Variants in WDR25 observed in about 807,000 individuals in gnomAD.
WDR25 encodes the protein WD repeat domain 25.
A neutral mutation model predicts 47.7 loss-of-function variants in WDR25; 35 were observed. The ratio of observed to expected loss-of-function variants is 0.73; its 90% CI spans 0.56 to 0.97. The LOEUF is 0.97. WDR25 is among the 50% of genes least tolerant of loss of function. The probability of loss-of-function intolerance (pLI) is 0.00; values close to 1 mark genes in which losing one functional copy is unlikely to be tolerated. For missense variants in WDR25, 634 were observed against 704.7 expected, an observed-to-expected ratio of 0.90 and a Z score of 1.14; for synonymous variants, 248 against 278.9, an observed-to-expected ratio of 0.89 and a Z score of 1.10.
At chr14:100,480,549 A>T (rs1900165628) in intron 3 of WDR25, among the ~76,000 whole-genome samples, 3 of 152,348 alleles carry the variant, frequency 2.0e-5, no homozygotes, top group African/African-American at 7.2e-5. Context: ...ACTACTTTCT[A>T]AAAAATTTCT....
At chr14:100,414,553 T>C (rs1450785273) in intron 2 of WDR25, among the ~76,000 whole-genome samples, 1 of 151,942 alleles carries the variant, frequency 6.6e-6, no homozygotes, top group Non-Finnish European at 1.5e-5. Flanking sequence ...CCTCAGGTAA[T>C]CTGCCCGCCT....
chr14:100,454,587 C>T (rs537131751), intron 2 of WDR25: 13 of 506,508 alleles, frequency 2.6e-5, no homozygotes, highest in South Asian at 1.4e-4. Flanking sequence ...ACTGGACAGA[C>T]GTCTACCCTC....
At chr14:100,465,910 A>T (rs1899613673) in intron 2 of WDR25, among the ~76,000 whole-genome samples, 3 of 152,246 alleles carry the variant, frequency 2.0e-5, no homozygotes, top group African/African-American at 7.2e-5. Flanking sequence ...TAATGGGTAC[A>T]AGGTGGTGTT....
intron 1 of WDR25, among the ~76,000 whole-genome samples, chr14:100,379,605 C>T (rs1482951100): frequency 2.0e-5 from 3 of 151,986 alleles, no homozygotes; most frequent in African/African-American, 7.2e-5. Flanking sequence ...TCAGACTAGT[C>T]TTGAACTCCT....
chr14:100,483,844 T>C, intron 3 of WDR25, 150 bp from the exon 4 acceptor site: 1 of 925,762 alleles, frequency 1.1e-6, no homozygotes, highest in African/African-American at 1.7e-5. Context: ...GCCACCGCTG[T>C]CATATTTCCA....
At chr14:100,411,036 G>T (rs2140190485) in intron 2 of WDR25, among the ~76,000 whole-genome samples, 1 of 152,218 alleles carries the variant, frequency 6.6e-6, no homozygotes, top group South Asian at 2.1e-4. Flanking sequence ...GCCCGCCTCA[G>T]CCTCCCAAAG....
chr14:100,496,581 T>A (rs8004423), intron 4 of WDR25, among the ~76,000 whole-genome samples: 5,492 of 152,238 alleles, frequency 0.036, 331 homozygotes, highest in African/African-American at 0.12. Context: ...TGATTTGAGA[T>A]CTTTTTTAAT....
intron 4 of WDR25, among the ~76,000 whole-genome samples, chr14:100,494,626 G>A (rs898762299): frequency 2.0e-5 from 3 of 152,234 alleles, no homozygotes; most frequent in Non-Finnish European, 2.9e-5. Context: ...CTTCTGGACT[G>A]TGAGCTCACA....
intron 4 of WDR25, among the ~76,000 whole-genome samples, chr14:100,520,070 G>GTGTACATA (rs1407913951): frequency 5.8e-5 from 7 of 121,644 alleles, no homozygotes. Context: ...ATGTGTGTGT[G>GTGTACATA]TGTGTGTGCA....
At chr14:100,493,516 G>A (rs1900632794) in intron 4 of WDR25, among the ~76,000 whole-genome samples, 1 of 151,964 alleles carries the variant, frequency 6.6e-6, no homozygotes, top group South Asian at 2.1e-4. Flanking sequence ...AAAAAATTTA[G>A]CAGAAGGGCT....
chr14:100,453,194 T>C (rs886910847), intron 2 of WDR25, among the ~76,000 whole-genome samples: 1 of 152,148 alleles, frequency 6.6e-6, no homozygotes, highest in Non-Finnish European at 1.5e-5. Context: ...GGCTTTGCAT[T>C]GTATTTCTCT....
At chr14:100,381,927 C>A in intron 2 of WDR25, 181 bp downstream of exon 2, 2 of 640,124 alleles carry the variant, frequency 3.1e-6, no homozygotes, top group African/African-American at 3.7e-5. Flanking sequence ...GTTCCTTCTG[C>A]CCCAACCCTT....
chr14:100,410,781 A>ATTTT (rs560217272), intron 2 of WDR25, among the ~76,000 whole-genome samples: 1 of 139,168 alleles, frequency 7.2e-6, no homozygotes, highest in Non-Finnish European at 1.6e-5. Context: ...GTTTAAGCAG[A>ATTTT]TTTTTTTTTT....
At chr14:100,386,445 A>G (rs1017182803) in intron 2 of WDR25, among the ~76,000 whole-genome samples, 1 of 152,242 alleles carries the variant, frequency 6.6e-6, no homozygotes, top group African/African-American at 2.4e-5. Context: ...TTTTCCCCAA[A>G]TATATTTTTA....
chr14:100,519,963 GTA>G (rs1320448626), intron 4 of WDR25, among the ~76,000 whole-genome samples: 1 of 140,662 alleles, frequency 7.1e-6, no homozygotes, highest in Non-Finnish European at 1.5e-5. Flanking sequence ...TGTGTATATA[GTA>G]TATATATGGT....
intron 2 of WDR25, among the ~76,000 whole-genome samples, chr14:100,452,642 C>T (rs1272299892): frequency 6.6e-6 from 1 of 151,836 alleles, no homozygotes; most frequent in Non-Finnish European, 1.5e-5. Context: ...GGAGTCAGGG[C>T]AGGTGACACA....
At chr14:100,420,661 G>T (rs1255960716) in intron 2 of WDR25, among the ~76,000 whole-genome samples, 1 of 152,176 alleles carries the variant, frequency 6.6e-6, no homozygotes, top group African/African-American at 2.4e-5. Flanking sequence ...AATATTTGAA[G>T]AACAGAAAAA....
At chr14:100,491,371 T>A (rs1900559094) in intron 4 of WDR25, among the ~76,000 whole-genome samples, 1 of 152,270 alleles carries the variant, frequency 6.6e-6, no homozygotes, top group Non-Finnish European at 1.5e-5. Context: ...TAGTCTTGAA[T>A]GAACATACAG....
intron 2 of WDR25, among the ~76,000 whole-genome samples, chr14:100,414,183 A>T (rs904172882): frequency 1.3e-5 from 2 of 151,968 alleles, no homozygotes; most frequent in Non-Finnish European, 2.9e-5. Flanking sequence ...TTTTTAGTAG[A>T]GACGAGGTCT....
Sources: gnomAD v4.1 joint callset for allele counts (sites outside exome capture counted in the v4.1 genomes callset) on GRCh38, gnomAD v4.1.1 for gene constraint, MANE v1.5 for transcripts, NCBI Gene and HGNC (gene_info 2026-07-23, HGNC 2026-07-21) for gene names.